The following SOX6 variants were observed in gnomAD, a reference collection of about 807,000 sequenced individuals.
The protein encoded by SOX6 is SRY-box transcription factor 6, also known as transcription factor SOX-6.
SOX6 carries 11 observed loss-of-function variants against 97.8 expected under a neutral mutation model. The observed-to-expected ratio is 0.11, with a 90% CI of 0.07 to 0.19. The LOEUF is 0.19. Among genes scored for constraint, SOX6 ranks in the 10% least tolerant of loss-of-function variants. The pLI is 1.00. For missense variants in SOX6, 810 were observed against 1,039.5 expected (o/e 0.78, Z 3.04); for synonymous variants, 360 against 371.4 (o/e 0.97, Z 0.35).
chr11:16,110,397 TC>T (rs1849199477), intron 7 of SOX6: 2 of 150,402 alleles, frequency 1.3e-5, no homozygotes, highest in Admixed American at 1.3e-4. Context: ...CTGAACCACT[TC>T]ACTAAAAAAA....
At chr11:16,323,316 G>T (rs1364854070) in intron 2 of SOX6, among the ~76,000 whole-genome samples, 4 of 152,080 alleles carry the variant, frequency 2.6e-5, no homozygotes, top group Non-Finnish European at 5.9e-5. Flanking sequence ...GGCAAAAATA[G>T]AATTTTAATT....
intron 4 of SOX6, among the ~76,000 whole-genome samples, chr11:16,536,908 A>C (rs7940952): frequency 0.15 from 22,375 of 152,258 alleles, 1,817 homozygotes; most frequent in African/African-American, 0.22. Context: ...ACAACTTCTG[A>C]AGACTTAAAC....
chr11:16,265,920 A>G (rs1854072654), intron 3 of SOX6, among the ~76,000 whole-genome samples: 1 of 151,894 alleles, frequency 6.6e-6, no homozygotes, highest in Non-Finnish European at 1.5e-5. Context: ...AAAATGTAAA[A>G]AAAAATGAAC....
chr11:16,117,330 C>T lies in SOX6; in HGVS notation c.778-5407G>A, dbSNP rs1439278208. On this transcript the variant is annotated intron_variant, in intron 6 of 15. Transcript: ENST00000683767. ...ATCATGCCACCGCACTCCAGCCTGG[C>T]GACAGAGCGAGACTCCATCTCAAAA... 5.3e-5 allele frequency among the ~76,000 whole-genome samples: 8 copies of T among 149,950 alleles called. No homozygotes were observed. In the South Asian group the frequency reaches 8.5e-4, roughly 16 times the overall value.
intron 4 of SOX6, among the ~76,000 whole-genome samples, chr11:16,229,653 A>T (rs1319383004): frequency 6.6e-6 from 1 of 152,056 alleles, no homozygotes; most frequent in East Asian, 1.9e-4. Context: ...TGAGATTTGA[A>T]AATCTCATGA....
chr11:16,723,035 T>TTGTG (rs1459365225), intron 2 of SOX6, among the ~76,000 whole-genome samples: 3 of 152,200 alleles, frequency 2.0e-5, no homozygotes, highest in African/African-American at 7.2e-5. Flanking sequence ...CAAATTTTCA[T>TTGTG]TGCAGTACTA....
chr11:16,363,026 A>G (rs1174819856), intron 1 of SOX6, among the ~76,000 whole-genome samples: 2 of 152,188 alleles, frequency 1.3e-5, no homozygotes, highest in Non-Finnish European at 2.9e-5. Context: ...CGGTAAATAC[A>G]TATATGTATA....
chr11:16,457,389 A>C (rs1475853636), intron 1 of SOX6, among the ~76,000 whole-genome samples: 1 of 152,140 alleles, frequency 6.6e-6, no homozygotes, highest in African/African-American at 2.4e-5. Context: ...CAAAGTGATA[A>C]GGAATCACAA....
In SOX6 at chr11:16,648,777, A is replaced by T. The variant is rs199984545; in HGVS notation, n.430-36517T>A. On this transcript the variant is annotated intron_variant and non_coding_transcript_variant, in intron 3 of 5. Coordinates refer to the SOX6 transcript ENST00000524520. ...ATCCAAACCAAGAAGAAATCTCTGA[A>T]TTGCCAAATAAAGAATTCAGAAGGT... 4.6e-5 allele frequency among the ~76,000 whole-genome samples: 7 copies of T among 152,336 alleles called. No homozygotes were observed. In the East Asian group the frequency reaches 1.2e-3, roughly 25 times the overall value.
chr11:16,456,106 G>A (rs148280948), intron 1 of SOX6, among the ~76,000 whole-genome samples: 2 of 152,046 alleles, frequency 1.3e-5, no homozygotes, highest in Non-Finnish European at 2.9e-5. Flanking sequence ...TAGTCCAGGG[G>A]GCTATGAACC....
intron 3 of SOX6, among the ~76,000 whole-genome samples, chr11:16,259,945 A>ATATGTATGTGTG (rs3059123): frequency 6.7e-6 from 1 of 149,038 alleles, no homozygotes; most frequent in Non-Finnish European, 1.5e-5. Flanking sequence ...TGTCCCAAAT[A>ATATGTATGTGTG]TGTGTGTGTG....
intron 1 of SOX6, among the ~76,000 whole-genome samples, chr11:16,437,836 T>C (rs909530863): frequency 2.0e-5 from 3 of 152,234 alleles, no homozygotes; most frequent in East Asian, 1.9e-4. Flanking sequence ...AAAGAGTTGC[T>C]TATAGTTTCA....
chr11:16,145,530 G>C (rs1232182650), intron 6 of SOX6, among the ~76,000 whole-genome samples: 1 of 152,094 alleles, frequency 6.6e-6, no homozygotes, highest in Non-Finnish European at 1.5e-5. Flanking sequence ...GAAATAAAGG[G>C]TATTCAATTA....
intron 6 of SOX6, among the ~76,000 whole-genome samples, chr11:16,179,031 G>A (rs79268514): frequency 0.086 from 13,012 of 151,632 alleles, 597 homozygotes; most frequent in East Asian, 0.1. Flanking sequence ...AATTAACTAG[G>A]TCAAGCAGGT....
rs755773880 is a variant in SOX6, at chr11:16,318,624, T to G, written c.267A>C (p.Leu89=). ...MESENNKLCS[L]YSFRNTSTSP... is the part of the protein sequence containing the mutation. ...AGGTAGAGGTATTTCGGAAGGAATA[T>G]AGGGAACATAACTTATTATTCTCTG... Residue 89 remains leucine, a synonymous_variant, in exon 3 of 16, where the codon CTA becomes CTC. Coordinates refer to ENST00000683767, the MANE Select transcript of SOX6 (RefSeq NM_001367873.1). 4 of 1,613,086 alleles carry G rather than the reference T, an allele frequency of 2.5e-6. No individual in the cohort carries two copies. The highest frequency in any genetic ancestry group is 3.4e-6 in the Non-Finnish European group (4 of 1,179,418).
intron 13 of SOX6, among the ~76,000 whole-genome samples, chr11:16,011,635 T>C (rs1296207382): frequency 6.6e-6 from 1 of 152,082 alleles, no homozygotes; most frequent in African/African-American, 2.4e-5. Context: ...TAAGTGATAT[T>C]GTCATTTTCA....
chr11:16,495,067 C>G (rs1020394773), intron 4 of SOX6, among the ~76,000 whole-genome samples: 1 of 152,138 alleles, frequency 6.6e-6, no homozygotes, highest in Admixed American at 6.5e-5. Flanking sequence ...CCACCTGCAG[C>G]CAGTCACTAC....
At chr11:16,164,972 G>T (rs1366087386) in intron 6 of SOX6, among the ~76,000 whole-genome samples, 4 of 152,054 alleles carry the variant, frequency 2.6e-5, no homozygotes, top group Non-Finnish European at 1.5e-5. Context: ...AAATTAACTG[G>T]TTCTTTTTAT....
intron 6 of SOX6, among the ~76,000 whole-genome samples, chr11:16,154,297 T>C (rs1324014573): frequency 1.3e-5 from 2 of 152,076 alleles, no homozygotes; most frequent in Admixed American, 1.3e-4. Flanking sequence ...GAAAAATAAA[T>C]GGAGGAAACA....
Sources: allele counts gnomAD v4.1 joint callset (sites outside exome capture counted in the v4.1 genomes callset), GRCh38; gene constraint gnomAD v4.1.1; transcripts MANE v1.5; gene names NCBI Gene and HGNC (gene_info 2026-07-23, HGNC 2026-07-21).